ANKFN1: variants seen among roughly 807,000 people sequenced by gnomAD.
The protein encoded by ANKFN1 is ankyrin repeat and fibronectin type III domain containing 1, also known as ankyrin repeat and fibronectin type-III domain-containing protein 1.
ANKFN1 carries 74 observed loss-of-function variants against 108.7 expected under a neutral mutation model. The ratio of observed to expected loss-of-function variants is 0.68; its 90% CI spans 0.56 to 0.83. The LOEUF (loss-of-function observed/expected upper bound fraction) is 0.83, where lower values mean the gene tolerates loss of function less well. Ranked by LOEUF, ANKFN1 falls within the 40% of genes least tolerant of loss-of-function variation. The pLI, the probability that ANKFN1 is intolerant of heterozygous loss-of-function variation, is 0.00. For synonymous variants in ANKFN1, 547 were observed against 516.2 expected (o/e 1.06, Z -0.81); for missense variants, 1,505 against 1,382.3 (o/e 1.09, Z -1.41).
At chr17:56,342,572 G>A (rs1056740882) in intron 4 of ANKFN1, among the ~76,000 whole-genome samples, 2 of 152,112 alleles carry the variant, frequency 1.3e-5, no homozygotes, top group Admixed American at 6.6e-5. Flanking sequence ...CCATTCAGGA[G>A]CATATTATTC....
intron 8 of ANKFN1, among the ~76,000 whole-genome samples, chr17:56,430,109 A>G (rs1227824770): frequency 6.6e-6 from 1 of 152,124 alleles, no homozygotes; most frequent in Admixed American, 6.6e-5. Context: ...TTTCATCTGT[A>G]AGAAATGGAC....
intron 3 of ANKFN1, among the ~76,000 whole-genome samples, chr17:56,277,744 C>G (rs1419727749): frequency 6.6e-6 from 1 of 152,170 alleles, no homozygotes; most frequent in Non-Finnish European, 1.5e-5. Context: ...AGCTCACTCA[C>G]TGCCATAAAA....
At chr17:56,262,625 T>G (rs965344905) in intron 3 of ANKFN1, among the ~76,000 whole-genome samples, 1 of 152,190 alleles carries the variant, frequency 6.6e-6, no homozygotes, top group Non-Finnish European at 1.5e-5. Context: ...AAAATAAGTT[T>G]GCTCTATAAA....
chr17:56,371,535 C>T (rs917058584), intron 6 of ANKFN1, among the ~76,000 whole-genome samples: 1 of 152,160 alleles, frequency 6.6e-6, no homozygotes, highest in African/African-American at 2.4e-5. Flanking sequence ...TCTTTCCCAC[C>T]CACCAGGGAG....
chr17:56,274,457 C>T (rs544693736), intron 3 of ANKFN1, among the ~76,000 whole-genome samples: 2 of 152,004 alleles, frequency 1.3e-5, no homozygotes, highest in African/African-American at 4.8e-5. Context: ...TGGGCGACAG[C>T]GCGAGACTCC....
chr17:56,510,992 GC>G lies in ANKFN1; in HGVS notation c.3167del (p.Pro1056LeufsTer9). ...GAGCCCAAGGAGGCCAAGCGGGCCG[GC>G]CCTGCCCTTGATGATCCCAGGGGCC... ...AQEPKEAKRAGPALDDPRGLT... is the reference protein window; with the variant it reads ...AQEPKEAKRAXPALDDPRGLT... On this transcript the variant is annotated frameshift_variant, in exon 21 of 21. Coordinates refer to ENST00000682825, the MANE Select transcript of ANKFN1 (RefSeq NM_001370326.1). LOFTEE classifies it low-confidence loss of function (END_TRUNC). 3 of 1,535,986 alleles carry G rather than the reference GC, an allele frequency of 2.0e-6. No individual in the cohort carries two copies. The highest frequency in any genetic ancestry group is 2.6e-6 in the Non-Finnish European group (3 of 1,146,860).
At chr17:56,232,230 G>T (rs1200137344) in intron 3 of ANKFN1, among the ~76,000 whole-genome samples, 1 of 152,090 alleles carries the variant, frequency 6.6e-6, no homozygotes, top group Non-Finnish European at 1.5e-5. Flanking sequence ...TATCCAAGTT[G>T]CATTTTTCAA....
rs192835147 is a variant in ANKFN1, at chr17:56,266,538, G to A, written c.53+38581G>A. ...AAATGTCCCTCCTAGGAGTCCTTAA[G>A]CCTATCTATCCCTGTGTAAGTTGAG... is the stretch of plus-strand genomic sequence containing the variant. On this transcript the variant is annotated intron_variant, in intron 3 of 20. Transcript: ENST00000682825. Among the ~76,000 whole-genome samples the A allele has an allele frequency of 1.3e-4, 20 of 152,266 alleles. No homozygotes were observed. In the East Asian group the frequency reaches 3.9e-3, roughly 29 times the overall value.
At chr17:56,060,874 T>C (rs1395353373) in intron 4 of ANKFN1, among the ~76,000 whole-genome samples, 1 of 152,248 alleles carries the variant, frequency 6.6e-6, no homozygotes, top group Non-Finnish European at 1.5e-5. Flanking sequence ...TCAACAGGGA[T>C]ATTGGCCTGA....
At chr17:56,377,363 G>C (rs1179622240) in intron 8 of ANKFN1, among the ~76,000 whole-genome samples, 1 of 152,172 alleles carries the variant, frequency 6.6e-6, no homozygotes. Context: ...GCACGCACCA[G>C]GCCAACTGCC....
chr17:56,297,679 G>C (rs2044553454), intron 3 of ANKFN1, among the ~76,000 whole-genome samples: 1 of 152,146 alleles, frequency 6.6e-6, no homozygotes, highest in African/African-American at 2.4e-5. Context: ...TCCTATTGAT[G>C]GTGTGAGTGT....
intron 4 of ANKFN1, among the ~76,000 whole-genome samples, chr17:56,143,080 G>A (rs1016295785): frequency 7.9e-5 from 12 of 152,120 alleles, no homozygotes; most frequent in Admixed American, 3.3e-4. Flanking sequence ...AAGACATTGC[G>A]AAGAATTCCA....
At chr17:56,489,282 C>A (rs2050952750) in intron 18 of ANKFN1, among the ~76,000 whole-genome samples, 1 of 152,080 alleles carries the variant, frequency 6.6e-6, no homozygotes, top group Admixed American at 6.6e-5. Flanking sequence ...ATTATTGTAG[C>A]CTTATACCAT....
intron 4 of ANKFN1, among the ~76,000 whole-genome samples, chr17:56,083,281 TG>T (rs1243095286): frequency 1.3e-5 from 2 of 151,480 alleles, no homozygotes; most frequent in East Asian, 3.9e-4. Flanking sequence ...GCCTACACAC[TG>T]GGTAACTTCC....
intron 3 of ANKFN1, among the ~76,000 whole-genome samples, chr17:56,322,547 T>G (rs773032699): frequency 1.8e-4 from 28 of 152,186 alleles, no homozygotes; most frequent in Non-Finnish European, 1.2e-4. Context: ...GCTTACTTTT[T>G]GAGACCAATT....
At chr17:56,072,327 C>T (rs139960723) in intron 4 of ANKFN1, among the ~76,000 whole-genome samples, 442 of 152,020 alleles carry the variant, frequency 2.9e-3, no homozygotes, top group African/African-American at 0.01. Context: ...ATGTAGTGTA[C>T]GTATAAGAAG....
At chr17:56,166,525 C>T (rs1467535852) in intron 1 of ANKFN1, among the ~76,000 whole-genome samples, 1 of 152,174 alleles carries the variant, frequency 6.6e-6, no homozygotes, top group Non-Finnish European at 1.5e-5. Flanking sequence ...CACAATTCTA[C>T]AGTCTCTTTC....
At chr17:56,251,914 G>T (rs2043243739) in intron 3 of ANKFN1, among the ~76,000 whole-genome samples, 1 of 152,166 alleles carries the variant, frequency 6.6e-6, no homozygotes, top group Non-Finnish European at 1.5e-5. Flanking sequence ...TTTAGTAAAT[G>T]CTTACTGCAT....
At chr17:56,503,831 G>T (rs920976823) in intron 20 of ANKFN1, among the ~76,000 whole-genome samples, 2 of 152,112 alleles carry the variant, frequency 1.3e-5, no homozygotes, top group African/African-American at 4.8e-5. Context: ...CAGCTCCTGG[G>T]TCAACCAGAG....
Sources: gnomAD v4.1 joint callset for allele counts (sites outside exome capture counted in the v4.1 genomes callset) on GRCh38, gnomAD v4.1.1 for gene constraint, MANE v1.5 for transcripts, NCBI Gene and HGNC (gene_info 2026-07-23, HGNC 2026-07-21) for gene names.